The following ADAMTSL3 variants were observed in gnomAD, a reference collection of about 807,000 sequenced individuals.
ADAMTSL3 encodes ADAMTS-like protein 3.
In ADAMTSL3, 128 loss-of-function variants were observed where a neutral mutation model predicts 201.7. The ratio of observed to expected loss-of-function variants is 0.63; its 90% CI spans 0.55 to 0.73. The LOEUF is 0.73. Among genes scored for constraint, ADAMTSL3 ranks in the 30% least tolerant of loss-of-function variants. The pLI is 0.00. For synonymous variants in ADAMTSL3, 738 were observed against 748.4 expected (o/e 0.99, Z 0.23); for missense variants, 1,990 against 2,119.6 (o/e 0.94, Z 1.20).
chr15:83,902,229 ACACAGC>A lies in ADAMTSL3; in HGVS notation c.1700+2502_1700+2507del, dbSNP rs2065739474. On this transcript the variant is annotated intron_variant, in intron 15 of 29. Coordinates refer to ENST00000286744, the MANE Select transcript of ADAMTSL3 (RefSeq NM_207517.3). ...CTTCCCTCAAATCCACCCCTACACA[ACACAGC>A]CACCAGAGTAGTCTATCTAGGTAGG... 3.3e-5 allele frequency among the ~76,000 whole-genome samples: 5 copies of A among 152,198 alleles called. 1 individual carries two copies. In the South Asian group the frequency reaches 1.0e-3, roughly 32 times the overall value.
intron 4 of ADAMTSL3, among the ~76,000 whole-genome samples, chr15:83,779,418 G>A (rs551823940): frequency 6.6e-6 from 1 of 152,020 alleles, no homozygotes; most frequent in Non-Finnish European, 1.5e-5. Flanking sequence ...AACAATCTCG[G>A]CTGGGTGCAG....
chr15:83,875,056 A>G (rs2065153328), intron 9 of ADAMTSL3, among the ~76,000 whole-genome samples: 1 of 109,706 alleles, frequency 9.1e-6, no homozygotes, highest in Non-Finnish European at 1.9e-5. Context: ...GTCCTCTAAG[A>G]ATCAAATGCC....
chr15:83,670,134 T>C (rs2061310823), intron 2 of ADAMTSL3, among the ~76,000 whole-genome samples: 1 of 151,540 alleles, frequency 6.6e-6, no homozygotes, highest in African/African-American at 2.4e-5. Flanking sequence ...GGTGCACGCC[T>C]GTAGTCCCAG....
chr15:83,821,101 T>A (rs184582205), intron 6 of ADAMTSL3, among the ~76,000 whole-genome samples: 98 of 149,738 alleles, frequency 6.5e-4, no homozygotes, highest in Middle Eastern at 6.8e-3. Context: ...AAAAAGACAC[T>A]ATGACAGGTT....
At chr15:83,756,793 G>A (rs760261608) in intron 3 of ADAMTSL3, among the ~76,000 whole-genome samples, 9 of 152,198 alleles carry the variant, frequency 5.9e-5, no homozygotes, top group Non-Finnish European at 1.2e-4. Context: ...ATACAATGGG[G>A]GAACAGGAAT....
At chr15:83,868,227 T>A (rs1454272186) in intron 8 of ADAMTSL3, among the ~76,000 whole-genome samples, 1 of 152,160 alleles carries the variant, frequency 6.6e-6, no homozygotes, top group Non-Finnish European at 1.5e-5. Flanking sequence ...GAAGGGCTTG[T>A]GCATGCAGCT....
intron 6 of ADAMTSL3, among the ~76,000 whole-genome samples, chr15:83,824,422 A>G (rs1250539993): frequency 1.3e-5 from 2 of 152,158 alleles, no homozygotes; most frequent in Non-Finnish European, 2.9e-5. Flanking sequence ...CTCCCCTACT[A>G]TCAACATTCC....
At chr15:83,755,575 T>C (rs1000777311) in intron 3 of ADAMTSL3, among the ~76,000 whole-genome samples, 2 of 152,236 alleles carry the variant, frequency 1.3e-5, no homozygotes, top group Non-Finnish European at 2.9e-5. Context: ...TCATCCATGT[T>C]GTAGCCTGTG....
At chr15:83,801,110 A>G (rs766433378) in intron 4 of ADAMTSL3, among the ~76,000 whole-genome samples, 21 of 152,190 alleles carry the variant, frequency 1.4e-4, no homozygotes, top group Admixed American at 4.6e-4. Flanking sequence ...CAAGATTTTA[A>G]TAAATTTAAG....
In ADAMTSL3 at chr15:83,769,238, A is replaced by G. The variant is rs894514287; in HGVS notation, c.190-4285A>G. Among the ~76,000 whole-genome samples, 3 of 152,192 alleles carry G rather than the reference A, an allele frequency of 2.0e-5. 1 individual carries two copies. The highest frequency in any genetic ancestry group is 2.0e-4 in the Admixed American group (3 of 15,284). On this transcript the variant is annotated intron_variant, in intron 3 of 29. Coordinates refer to ENST00000286744, the MANE Select transcript of ADAMTSL3 (RefSeq NM_207517.3). Reference sequence around the variant, plus strand: ...TCTCAACTTTCATTTAAAAATATATATGATGATGTTTTTCAACTTTTCACA... The same window carrying G: ...TCTCAACTTTCATTTAAAAATATATGTGATGATGTTTTTCAACTTTTCACA...
chr15:83,917,417 G>GTGTGTGTATGTATGTA (rs9329362), intron 16 of ADAMTSL3, among the ~76,000 whole-genome samples: 2,669 of 146,614 alleles, frequency 0.018, 40 homozygotes, highest in Middle Eastern at 0.045. Context: ...TCCAAAGTGT[G>GTGTGTGTATGTATGTA]TGTATGTATG....
At chr15:83,996,994 G>A (rs1330689812) in intron 23 of ADAMTSL3, among the ~76,000 whole-genome samples, 2 of 152,126 alleles carry the variant, frequency 1.3e-5, no homozygotes, top group Non-Finnish European at 2.9e-5. Context: ...GTTGGCAAGA[G>A]CATGGAGAAA....
chr15:83,710,474 C>T (rs551915205), intron 3 of ADAMTSL3, among the ~76,000 whole-genome samples: 21 of 152,136 alleles, frequency 1.4e-4, no homozygotes, highest in African/African-American at 5.1e-4. Context: ...CAACCTCCCT[C>T]CCCCCACCAC....
At chr15:83,766,963 G>A (rs567482958) in intron 3 of ADAMTSL3, among the ~76,000 whole-genome samples, 3 of 152,188 alleles carry the variant, frequency 2.0e-5, no homozygotes, top group South Asian at 4.2e-4. Context: ...ACGTGGTGGC[G>A]AGTGCCTGTA....
chr15:83,969,766 C>G (rs1012114839), intron 19 of ADAMTSL3, among the ~76,000 whole-genome samples: 2 of 152,164 alleles, frequency 1.3e-5, no homozygotes, highest in African/African-American at 4.8e-5. Flanking sequence ...TATAAAGTTT[C>G]AATTATACTA....
chr15:83,772,161 G>C (rs1480866930), intron 3 of ADAMTSL3, among the ~76,000 whole-genome samples: 1 of 151,900 alleles, frequency 6.6e-6, no homozygotes, highest in East Asian at 1.9e-4. Context: ...GCCTCCTTTG[G>C]CTCTTATAGG....
chr15:83,800,681 C>T lies in ADAMTSL3; in HGVS notation c.318-3969C>T, dbSNP rs867727295. ...CAACAAGTTTTGTATTCCAGTATTG[C>T]CATCAATTCAAATATTTTTTTTAAC... On this transcript the variant is annotated intron_variant, in intron 4 of 29. Transcript: ENST00000286744. 2.6e-5 allele frequency among the ~76,000 whole-genome samples: 4 copies of T among 152,086 alleles called. 1 individual carries two copies. The Middle Eastern group carries it at 0.014, about 517-fold the overall frequency.
intron 7 of ADAMTSL3, among the ~76,000 whole-genome samples, chr15:83,856,851 G>T (rs1222323829): frequency 6.6e-6 from 1 of 152,106 alleles, no homozygotes; most frequent in East Asian, 1.9e-4. Context: ...TGGATCATAT[G>T]GTAATTCTAT....
chr15:83,832,176 TTTTGCCTGCAGTCAACATGAGCTTTTA>T (rs1293177362), intron 6 of ADAMTSL3, among the ~76,000 whole-genome samples: 1 of 152,114 alleles, frequency 6.6e-6, no homozygotes, highest in Non-Finnish European at 1.5e-5. Context: ...AGGCATCTTT[TTTTGCCTGCAGTCAACATGAGCTTTTA>T]TTTGCCTGCA....
Sources: gnomAD v4.1 joint callset for allele counts (sites outside exome capture counted in the v4.1 genomes callset) on GRCh38, gnomAD v4.1.1 for gene constraint, MANE v1.5 for transcripts, NCBI Gene and HGNC (gene_info 2026-07-23, HGNC 2026-07-21) for gene names.